The following STON2 variants were observed in gnomAD, a reference collection of about 807,000 sequenced individuals.
STON2 encodes stonin 2.
In STON2, 29 loss-of-function variants were observed where a neutral mutation model predicts 65.7. That is an observed-to-expected ratio of 0.44 (90% CI 0.33 to 0.60). The LOEUF is 0.60. Ranked by LOEUF, STON2 falls within the 20% of genes least tolerant of loss-of-function variation. The pLI, the probability that STON2 is intolerant of heterozygous loss-of-function variation, is 0.03. For synonymous variants in STON2, 404 were observed against 414.2 expected (o/e 0.98, Z 0.30); for missense variants, 1,054 against 1,118.1 (o/e 0.94, Z 0.82).
In STON2 at chr14:81,292,321, T is replaced by C. The variant is rs540330324; in HGVS notation, c.743-13582A>G. 9.2e-5 allele frequency among the ~76,000 whole-genome samples: 14 copies of C among 152,282 alleles called. No homozygotes were observed. In the South Asian group the frequency reaches 2.5e-3, roughly 27 times the overall value. On this transcript the variant is annotated intron_variant, in intron 5 of 7. Transcript: ENST00000614646. ...GGCTATACACTTGGTATCCAATAAA[T>C]ATGCAGCAATGACAAAAAGAGGAGA...
chr14:81,372,550 C>CAAAA (rs202208931), intron 3 of STON2, among the ~76,000 whole-genome samples: 3 of 95,840 alleles, frequency 3.1e-5, no homozygotes, highest in African/African-American at 1.1e-4. Context: ...AACCCTATCT[C>CAAAA]AAAAAAAAAA....
intron 4 of STON2, among the ~76,000 whole-genome samples, chr14:81,357,640 A>G (rs1280959416): frequency 6.6e-6 from 1 of 152,132 alleles, no homozygotes; most frequent in Non-Finnish European, 1.5e-5. Flanking sequence ...AACCAACCCA[A>G]ATGTCCAACA....
At position 81,371,096 on chromosome 14, in the gene STON2, G is replaced by C. The variant is rs761616070; in HGVS notation, c.463C>G (p.His155Asp). ...PLTSESSWTT[H>D]SEDTSSPSFG... ...CTAGGACTGCTGGTGTCTTCAGAAT[G>C]GGTGGTCCAGCTGCTCTCAGAAGTC... Residue 155 changes from histidine (H) to aspartate (D), a missense_variant, in exon 4 of 8, where the codon CAT becomes GAT. Physicochemically the swap from His to Asp is moderately conservative, Grantham distance 81. Transcript: ENST00000614646. The C allele has an allele frequency of 6.2e-7, 1 of 1,614,108 alleles. No individual in the cohort carries two copies. The highest frequency in any genetic ancestry group is 8.5e-7 in the Non-Finnish European group (1 of 1,180,008).
intron 1 of STON2, among the ~76,000 whole-genome samples, chr14:81,399,519 T>A (rs778249936): frequency 6.6e-5 from 10 of 152,180 alleles, no homozygotes; most frequent in Non-Finnish European, 1.2e-4. Flanking sequence ...TTACTACAGG[T>A]TATCATCTGC....
chr14:81,418,851 C>T (rs929931149), intron 2 of STON2, among the ~76,000 whole-genome samples: 4 of 152,140 alleles, frequency 2.6e-5, no homozygotes, highest in Non-Finnish European at 4.4e-5. Context: ...TCTCAAGCCC[C>T]GTGTGGTTCT....
intron 2 of STON2, among the ~76,000 whole-genome samples, chr14:81,407,093 C>A (rs975152181): frequency 2.0e-5 from 3 of 152,186 alleles, no homozygotes; most frequent in African/African-American, 7.2e-5. Context: ...GATAGAAAAT[C>A]TTGTGCTGCC....
At chr14:81,387,162 TG>T (rs1442599897) in intron 3 of STON2, among the ~76,000 whole-genome samples, 12 of 141,272 alleles carry the variant, frequency 8.5e-5, no homozygotes, top group Middle Eastern at 3.6e-3. Flanking sequence ...ACCAGAAGGT[TG>T]TTTTTTTTTT....
chr14:81,331,273 T>C (rs1470687142), intron 4 of STON2, among the ~76,000 whole-genome samples: 1 of 152,268 alleles, frequency 6.6e-6, no homozygotes, highest in South Asian at 2.1e-4. Flanking sequence ...AAAGAGACTT[T>C]AGCCCCATGT....
chr14:81,306,345 T>C (rs2140198712), intron 5 of STON2, among the ~76,000 whole-genome samples: 1 of 148,642 alleles, frequency 6.7e-6, no homozygotes, highest in South Asian at 2.2e-4. Flanking sequence ...TTCTCGTGTC[T>C]CAGCCTCTGA....
intron 2 of STON2, among the ~76,000 whole-genome samples, chr14:81,420,572 G>A (rs1901655998): frequency 6.6e-6 from 1 of 152,176 alleles, no homozygotes. Flanking sequence ...TGTGACCAGG[G>A]CAATGAGGAG....
intron 2 of STON2, among the ~76,000 whole-genome samples, chr14:81,425,308 G>C (rs1901912075): frequency 6.6e-6 from 1 of 152,160 alleles, no homozygotes; most frequent in African/African-American, 2.4e-5. Context: ...GGTGGCTCAT[G>C]CCTGGAATCC....
chr14:81,342,838 C>A (rs1897667340), intron 4 of STON2, among the ~76,000 whole-genome samples: 1 of 152,092 alleles, frequency 6.6e-6, no homozygotes, highest in African/African-American at 2.4e-5. Flanking sequence ...TGAGGGGCAA[C>A]CTGTGAGGCA....
rs1406573120 is a variant in STON2, at chr14:81,413,014, A to G, written c.-199+14088T>C. The G allele has an allele frequency of 1.0e-5, 11 of 1,100,370 alleles. 3 individuals are homozygous for G. Among genetic ancestry groups the G allele is most frequent in the African/African-American group, 9.2e-5 (5 of 54,340 alleles). The allele number at this position is 1,100,370 out of a possible 1,614,324, so 68.2% of individuals were successfully genotyped here. ...TGATCAAAAATGCGGACATGTCGGA[A>G]GAGACGCAGCAGAACTCGGTGGAGT... On this transcript the variant is annotated intron_variant, in intron 2 of 8. Transcript: ENST00000553821.
At chr14:81,395,521 C>T (rs77792335) in intron 3 of STON2, 6,261 of 166,320 alleles carry the variant, frequency 0.038, 151 homozygotes, top group South Asian at 0.11. Context: ...AAATTATAGG[C>T]ATGAGCCACC....
chr14:81,365,978 C>T (rs1467370321), intron 4 of STON2, among the ~76,000 whole-genome samples: 1 of 152,120 alleles, frequency 6.6e-6, no homozygotes, highest in Non-Finnish European at 1.5e-5. Context: ...GCAGGGTGTG[C>T]CCACCTTGTC....
At chr14:81,407,373 T>C (rs1900921129) in intron 2 of STON2, among the ~76,000 whole-genome samples, 1 of 152,262 alleles carries the variant, frequency 6.6e-6, no homozygotes, top group African/African-American at 2.4e-5. Context: ...CTCAGCCATA[T>C]AGATTAATTC....
At chr14:81,273,115 T>C (rs971007066) in intron 6 of STON2, among the ~76,000 whole-genome samples, 5 of 152,250 alleles carry the variant, frequency 3.3e-5, no homozygotes, top group Non-Finnish European at 5.9e-5. Flanking sequence ...TGTTGGAATA[T>C]GGAGAAATCT....
intron 3 of STON2, 123 bp downstream of exon 3, chr14:81,395,771 A>G (rs1900282619): frequency 8.2e-6 from 8 of 973,752 alleles, no homozygotes; most frequent in Non-Finnish European, 1.3e-5. Flanking sequence ...GCTCTCCCCT[A>G]TGCGACCAGT....
intron 4 of STON2, among the ~76,000 whole-genome samples, chr14:81,363,626 C>CAA (rs5810025): frequency 2.0e-4 from 30 of 147,454 alleles, no homozygotes; most frequent in South Asian, 1.9e-3. Context: ...GATTTGTTTT[C>CAA]AAAAAAAAAA....
Sources: gnomAD v4.1 joint callset for allele counts (sites outside exome capture counted in the v4.1 genomes callset) on GRCh38, gnomAD v4.1.1 for gene constraint, MANE v1.5 for transcripts, NCBI Gene and HGNC (gene_info 2026-07-23, HGNC 2026-07-21) for gene names.